The following PRDM16 variants were observed in gnomAD, a reference collection of about 807,000 sequenced individuals.
PRDM16 encodes histone-lysine N-methyltransferase PRDM16.
In PRDM16, 23 loss-of-function variants were observed where a neutral mutation model predicts 110.6. That is an observed-to-expected ratio of 0.21 (90% confidence interval 0.15 to 0.29). The LOEUF (loss-of-function observed/expected upper bound fraction) is 0.29, where lower values mean the gene tolerates loss of function less well. Among genes scored for constraint, PRDM16 ranks in the 10% least tolerant of loss-of-function variants. The pLI, the probability that PRDM16 is intolerant of heterozygous loss-of-function variation, is 1.00. For synonymous variants in PRDM16, 799 were observed against 781.8 expected (o/e 1.02, Z -0.37); for missense variants, 1,615 against 1,794.3 (o/e 0.90, Z 1.81).
intron 4 of PRDM16, 167 bp from the exon 5 acceptor site, chr1:3,396,324 G>A: frequency 1.4e-6 from 1 of 690,780 alleles, no homozygotes; most frequent in Non-Finnish European, 2.7e-6. Flanking sequence ...AATTCCTTCT[G>A]CGCATACTCT....
chr1:3,400,763 A>G (rs927356836), intron 5 of PRDM16, among the ~76,000 whole-genome samples: 2 of 152,150 alleles, frequency 1.3e-5, no homozygotes, highest in African/African-American at 4.8e-5. Flanking sequence ...GAGCAGGGCC[A>G]GGATGCCTGG....
chr1:3,232,958 AG>A (rs1401602328), intron 2 of PRDM16, among the ~76,000 whole-genome samples: 1 of 152,252 alleles, frequency 6.6e-6, no homozygotes, highest in African/African-American at 2.4e-5. Flanking sequence ...TTAATAAACG[AG>A]GGATCAATCA....
At chr1:3,138,903 A>T (rs779130103) in intron 1 of PRDM16, among the ~76,000 whole-genome samples, 1 of 152,118 alleles carries the variant, frequency 6.6e-6, no homozygotes, top group Non-Finnish European at 1.5e-5. Context: ...TTTTCTGGAT[A>T]CTTCAGTAAG....
At chr1:3,277,796 A>C (rs893464465) in intron 3 of PRDM16, among the ~76,000 whole-genome samples, 1 of 151,774 alleles carries the variant, frequency 6.6e-6, no homozygotes, top group Non-Finnish European at 1.5e-5. Context: ...TGCACACACA[A>C]ACGCACAGTT....
chr1:3,268,765 AT>A (rs376642210), intron 3 of PRDM16, among the ~76,000 whole-genome samples: 6 of 152,284 alleles, frequency 3.9e-5, no homozygotes, highest in African/African-American at 1.4e-4. Flanking sequence ...TCACTAGAGT[AT>A]TCTAATATTC....
In PRDM16 at chr1:3,377,563, G is replaced by A. The variant is rs138324026; in HGVS notation, c.439-7589G>A. Among the ~76,000 whole-genome samples the A allele has an allele frequency of 3.0e-3, 458 of 152,320 alleles. 2 individuals carry two copies. The highest frequency in any genetic ancestry group is 0.011 in the African/African-American group (444 of 41,576). On this transcript the variant is annotated intron_variant, in intron 3 of 16. Transcript: ENST00000270722. ...GATTTATGAGCTGGGGGAGCTGCCC[G>A]GCGCCGGGGAGTGGGAGACAGTGGA...
At chr1:3,134,654 T>TGACCTAATTGGTCCA (rs1643400890) in intron 1 of PRDM16, among the ~76,000 whole-genome samples, 1 of 152,264 alleles carries the variant, frequency 6.6e-6, no homozygotes, top group South Asian at 2.1e-4. Context: ...TGAAGGACCT[T>TGACCTAATTGGTCCA]GACCTAATTG....
chr1:3,329,369 C>G (rs966267319), intron 3 of PRDM16, among the ~76,000 whole-genome samples: 10 of 152,302 alleles, frequency 6.6e-5, no homozygotes, highest in African/African-American at 1.9e-4. Flanking sequence ...CCACCACCCC[C>G]CACCCCTTCC....
intron 2 of PRDM16, among the ~76,000 whole-genome samples, chr1:3,226,732 T>G (rs1639296094): frequency 6.6e-6 from 1 of 152,068 alleles, no homozygotes; most frequent in Non-Finnish European, 1.5e-5. Context: ...GAGGAAGCAA[T>G]TGGATTCACT....
intron 1 of PRDM16, among the ~76,000 whole-genome samples, chr1:3,071,754 G>GCAAGGT (rs1641767621): frequency 6.6e-6 from 1 of 152,172 alleles, no homozygotes; most frequent in Non-Finnish European, 1.5e-5. Context: ...TTGGGCAGGG[G>GCAAGGT]CAAGGTCATG....
At chr1:3,234,531 G>A (rs7515772) in intron 2 of PRDM16, among the ~76,000 whole-genome samples, 4 of 152,182 alleles carry the variant, frequency 2.6e-5, no homozygotes, top group East Asian at 3.9e-4. Context: ...CCAGCAAGAG[G>A]CCCTGAGCCT....
At chr1:3,366,193 C>T (rs909005025) in intron 3 of PRDM16, among the ~76,000 whole-genome samples, 2 of 152,232 alleles carry the variant, frequency 1.3e-5, no homozygotes, top group Non-Finnish European at 2.9e-5. Flanking sequence ...CAGCTTGGTC[C>T]GGCTGGAATG....
At chr1:3,329,196 C>T (rs1282782057) in intron 3 of PRDM16, among the ~76,000 whole-genome samples, 1 of 152,254 alleles carries the variant, frequency 6.6e-6, no homozygotes, top group Non-Finnish European at 1.5e-5. Flanking sequence ...TGACCAGCAG[C>T]CTTGGGCCAG....
chr1:3,143,570 C>T lies in PRDM16; in HGVS notation c.38-42555C>T, dbSNP rs995919249. Reference sequence around the variant, plus strand: ...TCCGCTCACTGCAGTCTCTGCCTCCCGGGTTCAAGGATTCTCCTGCCTCAG... The same window carrying T: ...TCCGCTCACTGCAGTCTCTGCCTCCTGGGTTCAAGGATTCTCCTGCCTCAG... On this transcript the variant is annotated intron_variant, in intron 1 of 16. Transcript: ENST00000270722. This position sits in a 1 kb window ranked among gnomAD's most constrained non-coding sequence, Gnocchi z 4.5. Among the ~76,000 whole-genome samples, 12 of 152,154 alleles carry T rather than the reference C, an allele frequency of 7.9e-5. No individual in the cohort carries two copies. The highest frequency in any genetic ancestry group is 2.6e-4 in the Admixed American group (4 of 15,274).
At chr1:3,176,809 G>A (rs935192796) in intron 1 of PRDM16, among the ~76,000 whole-genome samples, 19 of 143,662 alleles carry the variant, frequency 1.3e-4, no homozygotes, top group African/African-American at 5.0e-4. Flanking sequence ...TCCACCCCTT[G>A]ATTCACCCAC....
chr1:3,311,183 C>G (rs988903637), intron 3 of PRDM16, among the ~76,000 whole-genome samples: 18 of 152,196 alleles, frequency 1.2e-4, no homozygotes, highest in Admixed American at 9.2e-4. Context: ...ACGGAGCCGT[C>G]GCTTCCCACT....
rs1467991451 is a variant in PRDM16 at position 3,290,758 on chromosome 1, A to T, written c.438+46621A>T. On this transcript the variant is annotated intron_variant, in intron 3 of 16. Coordinates refer to ENST00000270722, the MANE Select transcript of PRDM16 (RefSeq NM_022114.4). The surrounding 1 kb of genome is among the most constrained non-coding windows in gnomAD (Gnocchi z 4.8). ...AGCCGGGAGCTGTGGATCCAAAAATATTGCAGAGTTTCCCGAGGCAGGCCC... is the reference window on the plus strand; with the variant it reads ...AGCCGGGAGCTGTGGATCCAAAAATTTTGCAGAGTTTCCCGAGGCAGGCCC... Among the ~76,000 whole-genome samples the T allele has an allele frequency of 6.6e-6, 1 of 152,070 alleles. No individual in the cohort carries two copies. The highest frequency in any genetic ancestry group is 1.5e-5 in the Non-Finnish European group (1 of 68,038).
intron 2 of PRDM16, among the ~76,000 whole-genome samples, chr1:3,235,959 C>T (rs1398927441): frequency 6.6e-6 from 1 of 152,152 alleles, no homozygotes; most frequent in Non-Finnish European, 1.5e-5. Context: ...GAATTCAAAG[C>T]TGTGGCTGGA....
intron 1 of PRDM16, among the ~76,000 whole-genome samples, chr1:3,114,201 A>ACGCG (rs761637919): frequency 8.9e-4 from 110 of 123,728 alleles, no homozygotes; most frequent in East Asian, 2.8e-3. Flanking sequence ...ACGCACACGC[A>ACGCG]CGCACACACG....
Sources: allele counts gnomAD v4.1 joint callset (sites outside exome capture counted in the v4.1 genomes callset), GRCh38; gene constraint gnomAD v4.1.1; non-coding constraint Gnocchi (gnomAD v3.1); transcripts MANE v1.5; gene names NCBI Gene and HGNC (gene_info 2026-07-23, HGNC 2026-07-21).